The following MTMR8 variants were observed in gnomAD, a reference collection of about 807,000 sequenced individuals.
The protein encoded by MTMR8 is phosphatidylinositol-3,5-bisphosphate 3-phosphatase MTMR8.
MTMR8 carries 65 observed loss-of-function variants against 39.3 expected under a neutral mutation model. The observed-to-expected ratio is 1.65, with a 90% confidence interval of 1.35 to 2.03. The LOEUF is 2.03. MTMR8 is among the 30% of genes most tolerant of loss of function. The pLI, the probability that MTMR8 is intolerant of heterozygous loss-of-function variation, is 0.00. For synonymous variants in MTMR8, 245 were observed against 185.2 expected (o/e 1.32, Z -2.62); for missense variants, 777 against 538.9 (o/e 1.44, Z -4.37).
chrX:64,300,531 A>G (rs1473830014), intron 12 of MTMR8, among the ~76,000 whole-genome samples: 2 of 108,500 alleles, frequency 1.8e-5, no homozygotes, highest in East Asian at 5.9e-4. Flanking sequence ...TCTTTATCCA[A>G]TTTGCCAGTC....
At chrX:64,324,507 A>AC (rs1267493726) in intron 12 of MTMR8, among the ~76,000 whole-genome samples, 3 of 110,448 alleles carry the variant, frequency 2.7e-5, no homozygotes, top group Non-Finnish European at 3.8e-5. Flanking sequence ...ACATAGTGAG[A>AC]CCCCCATCTC....
rs1016544247 is a variant in MTMR8, at chrX:64,289,680, C to T, written c.1482-18607G>A. On this transcript the variant is annotated intron_variant, in intron 12 of 13. Transcript: ENST00000374852. ...AAAAAAATTAAGTTGGGAGCAAGGA[C>T]TCAAAAATATACTTTTACAAAAATG... is the stretch of plus-strand genomic sequence containing the variant. 3.3e-5 allele frequency among the ~76,000 whole-genome samples: 3 copies of T among 91,467 alleles called. No individual in the cohort carries two copies. In the Admixed American group the frequency reaches 3.4e-4, roughly 10 times the overall value. The allele number at this position is 91,467 out of a possible 115,157, so 79.4% of individuals were successfully genotyped here. A position where few individuals can be genotyped will look rare whatever the true frequency, so the allele number is the denominator to read the frequency against.
chrX:64,377,017 A>G (rs1924290339), intron 1 of MTMR8, among the ~76,000 whole-genome samples: 1 of 112,068 alleles, frequency 8.9e-6, no homozygotes, highest in Admixed American at 9.4e-5. Flanking sequence ...TGCAAGCTAC[A>G]AGCCTTGGCA....
intron 1 of MTMR8, among the ~76,000 whole-genome samples, chrX:64,368,627 T>G (rs1924043276): frequency 8.9e-6 from 1 of 112,141 alleles, no homozygotes; most frequent in African/African-American, 3.2e-5. Context: ...ATTAAAGACT[T>G]AAATGTTAGA....
chrX:64,275,282 A>C (rs978441006), intron 12 of MTMR8, among the ~76,000 whole-genome samples: 1 of 111,683 alleles, frequency 9.0e-6, no homozygotes, highest in Non-Finnish European at 1.9e-5. Flanking sequence ...TCTAAAATCA[A>C]AAACCTAACT....
rs771567359 is a variant in MTMR8, at chrX:64,348,782, G to A, written c.610C>T (p.Arg204Cys). Residue 204 changes from arginine (R) to cysteine (C), a missense_variant, in exon 6 of 14, where the codon CGC becomes TGC. Transcript: ENST00000374852. ...AATCCAGAGAGAGGCTGGCTACAGC[G>A]GCAAATGGCAGCCTGTAAGGAAAAG... Reference protein sequence around the residue: ...LYKENNAAICRCSQPLSGFYT... With the variant: ...LYKENNAAICCCSQPLSGFYT... 16 of 1,210,159 alleles carry A rather than the reference G, an allele frequency of 1.3e-5. No homozygotes were observed. The highest frequency in any genetic ancestry group is 1.6e-5 in the Non-Finnish European group (14 of 894,530).
chrX:64,345,123 A>G lies in MTMR8; in HGVS notation c.787T>C (p.Tyr263His), dbSNP rs1923315861. 1 of 1,210,885 alleles carries G rather than the reference A, an allele frequency of 8.3e-7. No individual in the cohort carries two copies. Among genetic ancestry groups the G allele is most frequent in the East Asian group, 3.0e-5 (1 of 33,821 alleles). Residue 263 changes from tyrosine (Y) to histidine (H), a missense_variant, in exon 7 of 14, where the codon TAT becomes CAT. Coordinates refer to ENST00000374852, the MANE Select transcript of MTMR8 (RefSeq NM_017677.4). ...AGKGYENEDN[Y>H]ANIRFRFMGI... is the part of the protein sequence containing the mutation. ...ATGAATCTGAAGCGAATGTTGGCAT[A>G]GTTGTCTTCATTTTCATACCCCTTC...
chrX:64,296,233 C>T (rs1007260176), intron 12 of MTMR8, among the ~76,000 whole-genome samples: 2 of 111,335 alleles, frequency 1.8e-5, no homozygotes, highest in Non-Finnish European at 3.8e-5. Context: ...TATTCTATGA[C>T]TTCACTTACA....
At chrX:64,379,099 G>T (rs1569232528) in intron 1 of MTMR8, among the ~76,000 whole-genome samples, 1 of 111,941 alleles carries the variant, frequency 8.9e-6, no homozygotes, top group Non-Finnish European at 1.9e-5. Flanking sequence ...CAGATCATCT[G>T]ATTGGGCCAT....
chrX:64,283,478 G>C (rs895985208), intron 12 of MTMR8, among the ~76,000 whole-genome samples: 6 of 111,772 alleles, frequency 5.4e-5, no homozygotes, highest in African/African-American at 1.6e-4. Flanking sequence ...AGACAGTAGT[G>C]GTTCTCCCAG....
intron 12 of MTMR8, among the ~76,000 whole-genome samples, chrX:64,315,212 C>G (rs1180537955): frequency 8.9e-6 from 1 of 112,048 alleles, no homozygotes; most frequent in Non-Finnish European, 1.9e-5. Context: ...TCTTCTCCTG[C>G]CAGGATTCCA....
intron 1 of MTMR8, among the ~76,000 whole-genome samples, chrX:64,383,798 A>C (rs1261687278): frequency 9.0e-6 from 1 of 111,021 alleles, no homozygotes; most frequent in Non-Finnish European, 1.9e-5. Context: ...ATAATTCAAC[A>C]TGAGGTTTGG....
chrX:64,361,688 G>C (rs1031858887), intron 1 of MTMR8, among the ~76,000 whole-genome samples: 10 of 111,138 alleles, frequency 9.0e-5, no homozygotes, highest in African/African-American at 3.3e-4. Context: ...TCTTAACTTG[G>C]TAAAAATTAT....
At chrX:64,312,701 C>T (rs922458313) in intron 12 of MTMR8, among the ~76,000 whole-genome samples, 1 of 112,257 alleles carries the variant, frequency 8.9e-6, no homozygotes, top group Non-Finnish European at 1.9e-5. Flanking sequence ...CAGCTATGGC[C>T]ATACAAAGTG....
chrX:64,336,601 C>T (rs1313013509), intron 9 of MTMR8, among the ~76,000 whole-genome samples: 1 of 109,731 alleles, frequency 9.1e-6, no homozygotes, highest in Non-Finnish European at 1.9e-5. Flanking sequence ...AGTTTGAGAC[C>T]AGACTGGCCA....
intron 12 of MTMR8, among the ~76,000 whole-genome samples, chrX:64,303,719 T>C (rs1057453244): frequency 8.9e-6 from 1 of 112,664 alleles, no homozygotes; most frequent in Middle Eastern, 4.2e-3. Context: ...AGTACATATG[T>C]GCCAAATTCC....
intron 7 of MTMR8, among the ~76,000 whole-genome samples, chrX:64,343,942 A>G (rs1242089429): frequency 1.8e-5 from 2 of 111,223 alleles, no homozygotes; most frequent in Non-Finnish European, 3.8e-5. Context: ...CCCACTCTCA[A>G]GCCCTTAGAA....
chrX:64,304,278 T>C (rs1366331879), intron 12 of MTMR8, among the ~76,000 whole-genome samples: 2 of 107,001 alleles, frequency 1.9e-5, no homozygotes, highest in Non-Finnish European at 3.8e-5. Flanking sequence ...CCAGTGTACA[T>C]TAACACTCAG....
intron 12 of MTMR8, among the ~76,000 whole-genome samples, chrX:64,286,115 T>G (rs1395155530): frequency 1.8e-5 from 2 of 111,256 alleles, no homozygotes; most frequent in South Asian, 3.8e-4. Context: ...AAGAATCAAA[T>G]AGATGCAATA....
Sources: gnomAD v4.1 joint callset for allele counts (sites outside exome capture counted in the v4.1 genomes callset) on GRCh38, gnomAD v4.1.1 for gene constraint, MANE v1.5 for transcripts, NCBI Gene and HGNC (gene_info 2026-07-23, HGNC 2026-07-21) for gene names.